FSTL5: variants seen among roughly 807,000 people sequenced by gnomAD.
The protein encoded by FSTL5 is follistatin like 5, also known as follistatin-related protein 5.
FSTL5 carries 62 observed loss-of-function variants against 89.1 expected under a neutral mutation model. The observed-to-expected ratio is 0.70, with a 90% CI of 0.57 to 0.86. The LOEUF (loss-of-function observed/expected upper bound fraction) is 0.86. Ranked by LOEUF, FSTL5 falls within the 40% of genes least tolerant of loss-of-function variation. The pLI is 0.00. For synonymous variants in FSTL5, 383 were observed against 346.2 expected, an observed-to-expected ratio of 1.11 and a Z score of -1.18; for missense variants, 1,057 against 1,001.6, an observed-to-expected ratio of 1.06 and a Z score of -0.75.
At chr4:161,487,853 C>T (rs1729733404) in intron 12 of FSTL5, among the ~76,000 whole-genome samples, 1 of 151,914 alleles carries the variant, frequency 6.6e-6, no homozygotes, top group Non-Finnish European at 1.5e-5. Context: ...AGGATTTATT[C>T]AGTTTGTCAT....
intron 3 of FSTL5, among the ~76,000 whole-genome samples, chr4:161,959,588 A>G (rs2110975733): frequency 6.6e-6 from 1 of 152,218 alleles, no homozygotes; most frequent in Non-Finnish European, 1.5e-5. Context: ...TTTTAAATTA[A>G]TATATTTTAA....
chr4:161,822,653 T>TG (rs1730527207), intron 4 of FSTL5, among the ~76,000 whole-genome samples: 1 of 152,180 alleles, frequency 6.6e-6, no homozygotes, highest in East Asian at 1.9e-4. Context: ...CAAAGGGCCA[T>TG]GGCTCTTCTC....
At chr4:161,543,252 T>C (rs1731893410) in intron 8 of FSTL5, among the ~76,000 whole-genome samples, 1 of 151,990 alleles carries the variant, frequency 6.6e-6, no homozygotes, top group African/African-American at 2.4e-5. Context: ...CTAAATACTA[T>C]GAAACTTTGT....
chr4:161,530,024 T>A (rs1731355519), intron 10 of FSTL5, among the ~76,000 whole-genome samples: 1 of 143,042 alleles, frequency 7.0e-6, no homozygotes, highest in African/African-American at 2.5e-5. Context: ...AGATCCTACA[T>A]AAGTGATCTC....
At chr4:161,746,212 A>G (rs1740198687) in intron 6 of FSTL5, among the ~76,000 whole-genome samples, 1 of 152,128 alleles carries the variant, frequency 6.6e-6, no homozygotes, top group Admixed American at 6.6e-5. Flanking sequence ...GTCACAACAA[A>G]TTTGTTGACA....
intron 4 of FSTL5, among the ~76,000 whole-genome samples, chr4:161,855,622 A>G (rs2126885071): frequency 6.6e-6 from 1 of 152,262 alleles, no homozygotes; most frequent in African/African-American, 2.4e-5. Context: ...AAAGGTAAGA[A>G]AATCCACCTT....
intron 15 of FSTL5, among the ~76,000 whole-genome samples, chr4:161,433,256 T>A (rs889350408): frequency 6.6e-6 from 1 of 151,820 alleles, no homozygotes; most frequent in Non-Finnish European, 1.5e-5. Flanking sequence ...CCCAGAAATA[T>A]GTAAATCAAT....
chr4:161,687,344 A>G (rs1737781996), intron 6 of FSTL5, among the ~76,000 whole-genome samples: 1 of 152,170 alleles, frequency 6.6e-6, no homozygotes, highest in Non-Finnish European at 1.5e-5. Flanking sequence ...ACCCATCTTT[A>G]TACTATTTCT....
rs1350416419 is a variant in FSTL5, at chr4:162,066,331, TCTTCTTCTTCTTCTTCTTCTTCTC to T, written c.127-32697_127-32674del. On this transcript the variant is annotated intron_variant, in intron 2 of 15. Coordinates refer to ENST00000306100, the MANE Select transcript of FSTL5 (RefSeq NM_020116.5). ...TTCTTCTTCTTCTTCTTCTTCTTCT[TCTTCTTCTTCTTCTTCTTCTTCTC>T]CTTCTTCTTCTTCTTCTCCTTCTTC... Among the ~76,000 whole-genome samples the T allele has an allele frequency of 8.7e-4, 110 of 125,908 alleles. No homozygotes were observed. The East Asian group carries it at 0.014, about 16-fold the overall frequency. 82.6% of individuals were successfully genotyped at this position (125,908 alleles called of 152,430 possible).
intron 6 of FSTL5, among the ~76,000 whole-genome samples, chr4:161,703,432 G>A (rs1738469449): frequency 1.3e-5 from 2 of 151,998 alleles, no homozygotes. Flanking sequence ...GTTCCTGGTG[G>A]TCTTTAAGTG....
intron 4 of FSTL5, among the ~76,000 whole-genome samples, chr4:161,833,242 G>C (rs1388883381): frequency 6.6e-6 from 1 of 151,948 alleles, no homozygotes; most frequent in Non-Finnish European, 1.5e-5. Context: ...TGTGGTCTGA[G>C]AGACAGTTTG....
chr4:162,089,957 G>A (rs13135152), intron 2 of FSTL5, among the ~76,000 whole-genome samples: 53,142 of 151,780 alleles, frequency 0.35, 10,079 homozygotes, highest in East Asian at 0.46. Context: ...TTTTCCATCC[G>A]ATCTTCAATA....
intron 3 of FSTL5, among the ~76,000 whole-genome samples, chr4:161,946,955 T>G (rs1734752727): frequency 6.6e-6 from 1 of 152,212 alleles, no homozygotes; most frequent in African/African-American, 2.4e-5. Context: ...GTGTTAATTT[T>G]AATTTTCCTG....
chr4:162,084,073 T>C (rs1485268380), intron 2 of FSTL5, among the ~76,000 whole-genome samples: 2 of 151,956 alleles, frequency 1.3e-5, no homozygotes, highest in South Asian at 2.1e-4. Flanking sequence ...GGATGATATA[T>C]GCCCATTCGA....
Position 162,066,217 on chromosome 4 carries a change from T to C in FSTL5, c.127-32559A>G, listed in dbSNP as rs1171966738. On this transcript the variant is annotated intron_variant, in intron 2 of 15. Coordinates refer to ENST00000306100, the MANE Select transcript of FSTL5 (RefSeq NM_020116.5). ...TATATTTTTGTATGCTTGTTTGTCA[T>C]CTGTTTACTTTCTCTGGTTAGTATC... Among the ~76,000 whole-genome samples, 16 of 152,030 alleles carry C rather than the reference T, an allele frequency of 1.1e-4. 1 individual carries two copies. Among genetic ancestry groups the C allele is most frequent in the Admixed American group, 1.0e-3 (16 of 15,240 alleles).
chr4:161,963,242 CTT>C lies in FSTL5; in HGVS notation c.161-42592_161-42591del, dbSNP rs200124700. 9.6e-3 allele frequency among the ~76,000 whole-genome samples: 1,463 copies of C among 151,824 alleles called. 26 individuals carry two copies. The highest frequency in any genetic ancestry group is 0.032 in the African/African-American group (1,327 of 41,438). ...CTTTGTTCTAGCAAGTTTATGTAGA[CTT>C]GTTCTTAAGACACAGAAATGTTCTT... On this transcript the variant is annotated intron_variant, in intron 3 of 15. Transcript: ENST00000306100.
At chr4:161,962,041 T>A (rs897615637) in intron 3 of FSTL5, among the ~76,000 whole-genome samples, 11 of 151,948 alleles carry the variant, frequency 7.2e-5, no homozygotes, top group African/African-American at 2.7e-4. Context: ...TATCACATAA[T>A]GTTGTATAAC....
At chr4:161,873,957 T>A (rs1732358093) in intron 4 of FSTL5, among the ~76,000 whole-genome samples, 1 of 152,092 alleles carries the variant, frequency 6.6e-6, no homozygotes, top group Non-Finnish European at 1.5e-5. Context: ...ATATTTGGAT[T>A]CTTTCTAGAT....
At chr4:161,834,372 T>C (rs1371396780) in intron 4 of FSTL5, among the ~76,000 whole-genome samples, 3 of 152,118 alleles carry the variant, frequency 2.0e-5, no homozygotes, top group African/African-American at 7.2e-5. Context: ...ACTGGAAGCA[T>C]TCCCTTTGAA....
Sources: gnomAD v4.1 joint callset for allele counts (sites outside exome capture counted in the v4.1 genomes callset) on GRCh38, gnomAD v4.1.1 for gene constraint, MANE v1.5 for transcripts, NCBI Gene and HGNC (gene_info 2026-07-23, HGNC 2026-07-21) for gene names.